The following FSTL4 variants were observed in gnomAD, a reference collection of about 807,000 sequenced individuals.
FSTL4 encodes the protein follistatin-related protein 4.
Under a neutral mutation model 78.2 loss-of-function variants are expected in FSTL4, and 28 were observed. That is an observed-to-expected ratio of 0.36 (90% CI 0.27 to 0.49). The LOEUF is 0.49. FSTL4 is among the 20% of genes least tolerant of loss of function. The probability of loss-of-function intolerance (pLI) is 0.98; values close to 1 mark genes in which losing one functional copy is unlikely to be tolerated. For synonymous variants in FSTL4, 422 were observed against 440.5 expected (o/e 0.96, Z 0.53); for missense variants, 922 against 1,084.9 (o/e 0.85, Z 2.11).
chr5:133,651,258 G>A, the FSTL4 span, among the ~76,000 whole-genome samples: 1 of 152,062 alleles, frequency 6.6e-6, no homozygotes, highest in Admixed American at 6.6e-5. Flanking sequence ...ACTAGCTAGA[G>A]TTTCAGTACG....
intron 6 of FSTL4, among the ~76,000 whole-genome samples, chr5:133,268,302 G>A (rs1752689501): frequency 6.6e-6 from 1 of 152,150 alleles, no homozygotes; most frequent in Non-Finnish European, 1.5e-5. Context: ...AACACTTTGG[G>A]TCCGGTCAAC....
the FSTL4 span, among the ~76,000 whole-genome samples, chr5:133,675,842 C>A: frequency 6.6e-6 from 1 of 152,178 alleles, no homozygotes; most frequent in Non-Finnish European, 1.5e-5. Flanking sequence ...TGCAGAAGGG[C>A]AGGAAGGAGT....
chr5:133,570,095 G>C (rs1760117436), intron 2 of FSTL4, among the ~76,000 whole-genome samples: 2 of 151,614 alleles, frequency 1.3e-5, no homozygotes, highest in African/African-American at 4.8e-5. Context: ...TGTAGTCCCA[G>C]CTACTCGGGA....
At chr5:133,547,627 T>C (rs547601599) in intron 3 of FSTL4, among the ~76,000 whole-genome samples, 1 of 152,330 alleles carries the variant, frequency 6.6e-6, no homozygotes, top group East Asian at 1.9e-4. Flanking sequence ...GTCCTCCCCT[T>C]CATGGGACTG....
intron 3 of FSTL4, among the ~76,000 whole-genome samples, chr5:133,454,451 TC>T (rs1757442987): frequency 6.6e-6 from 1 of 152,182 alleles, no homozygotes; most frequent in African/African-American, 2.4e-5. Flanking sequence ...CGATACCCCT[TC>T]CTCCACACAC....
At chr5:133,373,920 G>A (rs558324314) in intron 4 of FSTL4, among the ~76,000 whole-genome samples, 1 of 152,298 alleles carries the variant, frequency 6.6e-6, no homozygotes, top group South Asian at 2.1e-4. Context: ...CACCCCTCAG[G>A]AAGCATGGGA....
the FSTL4 span, among the ~76,000 whole-genome samples, chr5:133,754,112 A>G: frequency 6.6e-6 from 1 of 152,190 alleles, no homozygotes; most frequent in Non-Finnish European, 1.5e-5. Flanking sequence ...ACAGCATACA[A>G]AGTAATCAGA....
the FSTL4 span, among the ~76,000 whole-genome samples, chr5:133,630,530 G>A: frequency 6.6e-6 from 1 of 152,304 alleles, no homozygotes; most frequent in African/African-American, 2.4e-5. Context: ...CATGCTCATG[G>A]ATAGGAAGAA....
the FSTL4 span, among the ~76,000 whole-genome samples, chr5:133,648,822 C>A: frequency 8.5e-5 from 13 of 152,186 alleles, no homozygotes; most frequent in Non-Finnish European, 1.2e-4. Context: ...CAGCATCCCC[C>A]ACAAGAGTGG....
the FSTL4 span, among the ~76,000 whole-genome samples, chr5:133,779,943 G>A: frequency 6.6e-6 from 1 of 152,166 alleles, no homozygotes; most frequent in African/African-American, 2.4e-5. Flanking sequence ...ATCAGGAGGG[G>A]AAGGAGGCCA....
chr5:133,515,264 C>T (rs143316667), intron 3 of FSTL4, among the ~76,000 whole-genome samples: 5 of 152,188 alleles, frequency 3.3e-5, no homozygotes, highest in African/African-American at 7.2e-5. Flanking sequence ...TGGTGGCTCA[C>T]ACCTGTAATG....
At chr5:133,614,156 T>G (rs563391003), upstream of FSTL4, among the ~76,000 whole-genome samples, 16 of 152,184 alleles carry the variant, frequency 1.1e-4, no homozygotes, top group Admixed American at 2.0e-4. Flanking sequence ...ACATGAGGTA[T>G]TTGGAAAAGC....
intron 2 of FSTL4, among the ~76,000 whole-genome samples, chr5:133,579,024 C>G (rs1252557419): frequency 6.6e-6 from 1 of 152,242 alleles, no homozygotes; most frequent in Non-Finnish European, 1.5e-5. Flanking sequence ...TCTAACTCAG[C>G]ACCCTGAGGA....
chr5:133,471,585 A>G (rs1757827935), intron 3 of FSTL4, among the ~76,000 whole-genome samples: 1 of 152,098 alleles, frequency 6.6e-6, no homozygotes, highest in Non-Finnish European at 1.5e-5. Flanking sequence ...CCCTCACCAG[A>G]CTCTGACTTG....
chr5:133,704,321 G>T, the FSTL4 span, among the ~76,000 whole-genome samples: 131 of 152,334 alleles, frequency 8.6e-4, no homozygotes, highest in Non-Finnish European at 1.4e-3. Context: ...TGGCAATTGT[G>T]AGAAGCTGTG....
chr5:133,423,213 G>A (rs29544), intron 3 of FSTL4, among the ~76,000 whole-genome samples: 42,659 of 152,164 alleles, frequency 0.28, 6,483 homozygotes, highest in East Asian at 0.4. Context: ...GGCCCCTTTT[G>A]ACTGCTCTGC....
At chr5:133,458,084 T>C (rs1191054627) in intron 3 of FSTL4, 2 of 152,230 alleles carry the variant, frequency 1.3e-5, no homozygotes, top group Non-Finnish European at 2.9e-5. Flanking sequence ...ACAGTCATTG[T>C]TTAAAAATGT....
intron 6 of FSTL4, among the ~76,000 whole-genome samples, chr5:133,281,250 A>G (rs1040692885): frequency 1.3e-5 from 2 of 152,104 alleles, no homozygotes; most frequent in Non-Finnish European, 2.9e-5. Flanking sequence ...GCCTTGAGGG[A>G]CACTTCAAGG....
intron 6 of FSTL4, among the ~76,000 whole-genome samples, chr5:133,306,277 C>G (rs1753653212): frequency 6.6e-6 from 1 of 152,228 alleles, no homozygotes; most frequent in African/African-American, 2.4e-5. Context: ...TGTAGGCCAG[C>G]AGGCACGCAG....
Sources: allele counts gnomAD v4.1 joint callset (sites outside exome capture counted in the v4.1 genomes callset), GRCh38; gene constraint gnomAD v4.1.1; transcripts MANE v1.5; gene names NCBI Gene and HGNC (gene_info 2026-07-23, HGNC 2026-07-21).